Variants in NRXN3 observed in about 807,000 individuals in gnomAD.
NRXN3 encodes the protein neurexin III.
In NRXN3, 32 loss-of-function variants were observed where a neutral mutation model predicts 137.6. The observed-to-expected ratio is 0.23, with a 90% CI of 0.18 to 0.31. The LOEUF (loss-of-function observed/expected upper bound fraction) is 0.31. Ranked by LOEUF, NRXN3 falls within the 10% of genes least tolerant of loss-of-function variation. NRXN3 has a pLI of 1.00. For missense variants in NRXN3, 1,574 were observed against 2,062.5 expected (o/e 0.76, Z 4.59); for synonymous variants, 798 against 784.5 (o/e 1.02, Z -0.29).
chr14:78,988,665 C>T (rs1257525879), intron 15 of NRXN3, among the ~76,000 whole-genome samples: 4 of 152,032 alleles, frequency 2.6e-5, no homozygotes, highest in Admixed American at 1.3e-4. Context: ...AAGCTTAAAG[C>T]GTTCTTGGGT....
chr14:79,074,081 T>A (rs2099691957), intron 15 of NRXN3, among the ~76,000 whole-genome samples: 1 of 152,176 alleles, frequency 6.6e-6, no homozygotes, highest in Non-Finnish European at 1.5e-5. Context: ...TTCCACATCG[T>A]AGGTACACAA....
At chr14:79,244,028 T>C (rs1254432592) in intron 15 of NRXN3, among the ~76,000 whole-genome samples, 1 of 152,144 alleles carries the variant, frequency 6.6e-6, no homozygotes, top group Non-Finnish European at 1.5e-5. Context: ...GACCCAGTAA[T>C]CATCCTTATC....
intron 16 of NRXN3, among the ~76,000 whole-genome samples, chr14:79,601,741 T>C (rs2097924329): frequency 6.6e-6 from 1 of 152,198 alleles, no homozygotes; most frequent in South Asian, 2.1e-4. Context: ...AAGCACAGGT[T>C]ACAACTCATA....
intron 4 of NRXN3, among the ~76,000 whole-genome samples, chr14:78,355,062 GA>G (rs1207826742): frequency 6.6e-6 from 1 of 152,162 alleles, no homozygotes; most frequent in Non-Finnish European, 1.5e-5. Context: ...CCCACCTTTT[GA>G]AAATTATCCA....
rs575324824 is a variant in NRXN3, at chr14:78,667,375, T to C, written c.1221+16049T>C. On this transcript the variant is annotated intron_variant, in intron 6 of 20. Coordinates refer to ENST00000335750, the MANE Select transcript of NRXN3 (RefSeq NM_001330195.2). ...GCCTTTAGCTGAATCTGTTTCGTAG[T>C]GAGTACTCAAGAAATACTAGCTATT... 2.0e-5 allele frequency among the ~76,000 whole-genome samples: 3 copies of C among 152,326 alleles called. No individual in the cohort carries two copies. The South Asian group carries it at 6.2e-4, about 32-fold the overall frequency.
At chr14:79,358,607 G>GAAAGAAAAAGAAAGAA (rs10667477) in intron 15 of NRXN3, among the ~76,000 whole-genome samples, 3 of 79,944 alleles carry the variant, frequency 3.8e-5, no homozygotes, top group Non-Finnish European at 5.1e-5. Flanking sequence ...AAGAAAGAAA[G>GAAAGAAAAAGAAAGAA]AGAAAGAAAG....
chr14:78,372,880 TAAAAG>T, intron 4 of NRXN3, among the ~76,000 whole-genome samples: 1 of 152,084 alleles, frequency 6.6e-6, no homozygotes, highest in Non-Finnish European at 1.5e-5. Flanking sequence ...CTATAAAAAA[TAAAAG>T]GCAATGTATC....
At chr14:78,214,823 T>G (rs752800629) in intron 1 of NRXN3, among the ~76,000 whole-genome samples, 11 of 152,098 alleles carry the variant, frequency 7.2e-5, no homozygotes, top group Middle Eastern at 3.2e-3. Flanking sequence ...CACACCTTGG[T>G]TTCTCGATTC....
At chr14:79,577,066 T>G (rs548260319) in intron 16 of NRXN3, among the ~76,000 whole-genome samples, 9 of 152,136 alleles carry the variant, frequency 5.9e-5, no homozygotes, top group Non-Finnish European at 1.2e-4. Context: ...TGGTAGTGAA[T>G]AAGTCTCATG....
At chr14:79,081,404 A>C (rs2046970958) in intron 15 of NRXN3, among the ~76,000 whole-genome samples, 1 of 152,128 alleles carries the variant, frequency 6.6e-6, no homozygotes, top group Admixed American at 6.5e-5. Flanking sequence ...TCATGAGGTC[A>C]GGAGACCGAG....
intron 16 of NRXN3, among the ~76,000 whole-genome samples, chr14:79,491,362 C>T (rs1035366818): frequency 6.6e-6 from 1 of 152,150 alleles, no homozygotes; most frequent in Non-Finnish European, 1.5e-5. Flanking sequence ...CTACGTCATA[C>T]TAGCCACTAG....
chr14:78,719,692 AT>A (rs2098450577), intron 8 of NRXN3, among the ~76,000 whole-genome samples: 1 of 152,086 alleles, frequency 6.6e-6, no homozygotes, highest in Non-Finnish European at 1.5e-5. Flanking sequence ...AAATACAAAA[AT>A]TAGCTGGGCT....
At chr14:79,850,952 G>A (rs1369523552) in intron 20 of NRXN3, among the ~76,000 whole-genome samples, 3 of 152,164 alleles carry the variant, frequency 2.0e-5, no homozygotes, top group African/African-American at 7.2e-5. Context: ...CATATGATTT[G>A]CAAAGTGACA....
At chr14:78,548,376 A>G (rs1425529642) in intron 4 of NRXN3, among the ~76,000 whole-genome samples, 1 of 152,192 alleles carries the variant, frequency 6.6e-6, no homozygotes, top group Non-Finnish European at 1.5e-5. Context: ...ATCATTTCCC[A>G]TGACTTGGAC....
chr14:79,019,845 C>T lies in NRXN3; in HGVS notation c.3262+31704C>T, dbSNP rs559590523. 2.0e-5 allele frequency among the ~76,000 whole-genome samples: 3 copies of T among 151,886 alleles called. No individual in the cohort carries two copies. The South Asian group carries it at 6.3e-4, about 32-fold the overall frequency. ...CAGACTTGGGGATGCCCTGAGTAAT[C>T]CAATGAGGGAAACCAAGACAGGACT... On this transcript the variant is annotated intron_variant, in intron 15 of 20. Coordinates refer to ENST00000335750, the MANE Select transcript of NRXN3 (RefSeq NM_001330195.2).
intron 15 of NRXN3, among the ~76,000 whole-genome samples, chr14:79,358,221 C>T (rs143633353): frequency 6.6e-6 from 1 of 152,144 alleles, no homozygotes; most frequent in East Asian, 1.9e-4. Flanking sequence ...CAATGTTGTC[C>T]CTGAATGTTC....
intron 20 of NRXN3, among the ~76,000 whole-genome samples, chr14:79,827,391 G>C (rs1268192413): frequency 6.6e-6 from 1 of 152,160 alleles, no homozygotes; most frequent in Non-Finnish European, 1.5e-5. Flanking sequence ...ATTAGAAAAA[G>C]TCAGCCATTT....
chr14:79,652,409 G>A lies in NRXN3; in HGVS notation c.3445-11369G>A, dbSNP rs1485022080. On this transcript the variant is annotated intron_variant, in intron 16 of 20. Coordinates refer to ENST00000335750, the MANE Select transcript of NRXN3 (RefSeq NM_001330195.2). ...CACTATAAACTCATGGATAATTTGT[G>A]TATCTGAAGCTCTGACCGGCTTCCA... 1.7e-3 allele frequency among the ~76,000 whole-genome samples: 229 copies of A among 138,358 alleles called. 1 individual carries two copies. The highest frequency in any genetic ancestry group is 7.9e-3 in the African/African-American group (225 of 28,508). 90.8% of individuals were successfully genotyped at this position (138,358 alleles called of 152,430 possible).
At chr14:79,775,138 G>A (rs560890763) in intron 19 of NRXN3, among the ~76,000 whole-genome samples, 4 of 152,220 alleles carry the variant, frequency 2.6e-5, no homozygotes, top group South Asian at 4.1e-4. Flanking sequence ...ATACCATACC[G>A]TAATTCTATG....
Sources: gnomAD v4.1 joint callset for allele counts (sites outside exome capture counted in the v4.1 genomes callset) on GRCh38, gnomAD v4.1.1 for gene constraint, MANE v1.5 for transcripts, NCBI Gene and HGNC (gene_info 2026-07-23, HGNC 2026-07-21) for gene names.